CSMD1: variants seen among roughly 807,000 people sequenced by gnomAD.
The protein encoded by CSMD1 is CUB and sushi domain-containing protein 1.
CSMD1 carries 213 observed loss-of-function variants against 417.5 expected under a neutral mutation model. The observed-to-expected ratio is 0.51, with a 90% CI of 0.46 to 0.57. The LOEUF is 0.57. Among genes scored for constraint, CSMD1 ranks in the 20% least tolerant of loss-of-function variants. CSMD1 has a pLI of 0.00. For missense variants in CSMD1, 6,923 were observed against 4,529.7 expected (o/e 1.53, Z -15.17); for synonymous variants, 2,862 against 1,736.8 (o/e 1.65, Z -16.11).
intron 26 of CSMD1, among the ~76,000 whole-genome samples, chr8:3,258,264 C>G (rs539135401): frequency 6.6e-6 from 1 of 152,116 alleles, no homozygotes; most frequent in African/African-American, 2.4e-5. Context: ...CAAAAACAAC[C>G]CCATTAAAAC....
In CSMD1 at chr8:3,875,226, G is replaced by T. The variant is rs560455481; in HGVS notation, c.819-121184C>A. On this transcript the variant is annotated intron_variant, in intron 5 of 69. Coordinates refer to ENST00000635120, the MANE Select transcript of CSMD1 (RefSeq NM_033225.6). ...GAGGCCATTCGGGAGCCACCACAAT[G>T]GTCCTCATGATTTGAATTGAGACCA... Among the ~76,000 whole-genome samples, 8 of 152,216 alleles carry T rather than the reference G, an allele frequency of 5.3e-5. No individual in the cohort carries two copies. The South Asian group carries it at 1.5e-3, about 28-fold the overall frequency.
At chr8:4,042,917 G>C (rs1373789827) in intron 3 of CSMD1, among the ~76,000 whole-genome samples, 1 of 148,668 alleles carries the variant, frequency 6.7e-6, no homozygotes. Context: ...TATGAGTTCA[G>C]GAGTTCAAGA....
chr8:3,209,198 T>A lies in CSMD1; in HGVS notation c.4868-3578A>T, dbSNP rs149517352. On this transcript the variant is annotated intron_variant, in intron 30 of 69. Coordinates refer to ENST00000635120, the MANE Select transcript of CSMD1 (RefSeq NM_033225.6). The stretch of plus-strand genomic sequence containing the variant: ...CTGTCCGTTCTTCCTCAGATCAAAA[T>A]GCTAAGCACCAGAACTACAATGATA... Among the ~76,000 whole-genome samples the A allele has an allele frequency of 3.2e-3, 489 of 152,316 alleles. 5 individuals carry two copies. Among genetic ancestry groups the A allele is most frequent in the African/African-American group, 0.011 (457 of 41,566 alleles).
At position 3,175,519 on chromosome 8, in the gene CSMD1, T is replaced by G. The variant is rs576562600; in HGVS notation, c.5725+5591A>C. On this transcript the variant is annotated intron_variant, in intron 37 of 69. Transcript: ENST00000635120. ...TGCCTGCCTGCCTGCCTTTTTTCCT[T>G]CCTTCCTTCCTTCCTTCTTCCCTCC... is the stretch of plus-strand genomic sequence containing the variant. Among the ~76,000 whole-genome samples the G allele has an allele frequency of 2.8e-3, 330 of 119,344 alleles. 2 individuals are homozygous for G. Among genetic ancestry groups the G allele is most frequent in the Non-Finnish European group, 3.5e-3 (182 of 52,118 alleles). The allele number at this position is 119,344 out of a possible 152,430, so 78.3% of individuals were successfully genotyped here. A position where few individuals can be genotyped will look rare whatever the true frequency, so the allele number is the denominator to read the frequency against.
intron 3 of CSMD1, among the ~76,000 whole-genome samples, chr8:4,045,976 G>A (rs926320937): frequency 3.9e-5 from 6 of 152,018 alleles, no homozygotes; most frequent in Non-Finnish European, 7.4e-5. Context: ...AGATTCCTGT[G>A]AAGTGGATAT....
chr8:3,860,906 C>T (rs1006782203), intron 5 of CSMD1, among the ~76,000 whole-genome samples: 1 of 152,158 alleles, frequency 6.6e-6, no homozygotes, highest in Non-Finnish European at 1.5e-5. Context: ...GAAATCTAGT[C>T]TCTATACTAT....
At chr8:3,303,088 T>C (rs1804542221) in intron 25 of CSMD1, among the ~76,000 whole-genome samples, 1 of 152,226 alleles carries the variant, frequency 6.6e-6, no homozygotes, top group Non-Finnish European at 1.5e-5. Context: ...TTCTTTGTAT[T>C]GTCTATGAAA....
intron 2 of CSMD1, among the ~76,000 whole-genome samples, chr8:4,489,882 C>G (rs1801613907): frequency 6.6e-6 from 1 of 152,170 alleles, no homozygotes; most frequent in African/African-American, 2.4e-5. Flanking sequence ...CTTGCCCAGA[C>G]TACGACCCAC....
Position 3,183,364 on chromosome 8 carries a change from G to T in CSMD1, c.5621-2150C>A, listed in dbSNP as rs62502926. 2.6e-5 allele frequency among the ~76,000 whole-genome samples: 2 copies of T among 76,562 alleles called. 1 individual carries two copies. The highest frequency in any genetic ancestry group is 7.4e-5 in the Non-Finnish European group (2 of 26,856). 50.2% of individuals were successfully genotyped at this position (76,562 alleles called of 152,430 possible). ...GAGTAGGTCTCTAATGTTTCTTAAC[G>T]ATACCATCGGCACCCACCGACGTCA... On this transcript the variant is annotated intron_variant, in intron 36 of 69. Coordinates refer to ENST00000635120, the MANE Select transcript of CSMD1 (RefSeq NM_033225.6).
chr8:4,374,310 TAA>T (rs1415795665), intron 3 of CSMD1, among the ~76,000 whole-genome samples: 1 of 152,194 alleles, frequency 6.6e-6, no homozygotes, highest in Non-Finnish European at 1.5e-5. Context: ...GAGTACAATA[TAA>T]TTACAGTACA....
chr8:4,898,899 T>C (rs7839232), intron 1 of CSMD1, among the ~76,000 whole-genome samples: 36,047 of 152,114 alleles, frequency 0.24, 4,611 homozygotes, highest in East Asian at 0.35. Context: ...ACATTATTTA[T>C]CGTTTAATAA....
chr8:2,972,990 G>T (rs538679632), intron 57 of CSMD1, 127 bp downstream of exon 57: 1 of 896,118 alleles, frequency 1.1e-6, no homozygotes, highest in Non-Finnish European at 1.6e-6. Context: ...CAAATATTGC[G>T]GGGAAAAGAT....
chr8:4,188,337 G>A (rs34515053), intron 3 of CSMD1, among the ~76,000 whole-genome samples: 2 of 151,952 alleles, frequency 1.3e-5, no homozygotes, highest in South Asian at 2.1e-4. Context: ...CCAAATGAAA[G>A]ACAATGCAAA....
intron 57 of CSMD1, among the ~76,000 whole-genome samples, chr8:2,970,298 A>G (rs1233944271): frequency 6.6e-6 from 1 of 152,186 alleles, no homozygotes. Flanking sequence ...TTAAGTTTTC[A>G]AAACTGAAAT....
At chr8:4,858,509 G>C (rs1050594886) in intron 1 of CSMD1, among the ~76,000 whole-genome samples, 3 of 151,890 alleles carry the variant, frequency 2.0e-5, no homozygotes, top group Non-Finnish European at 4.4e-5. Context: ...TGTATATCCA[G>C]AAAACCCCAA....
intron 5 of CSMD1, among the ~76,000 whole-genome samples, chr8:3,855,982 A>C (rs545554728): frequency 7.9e-5 from 12 of 152,276 alleles, no homozygotes; most frequent in African/African-American, 2.9e-4. Context: ...GATATCTGTC[A>C]GTATTAATCA....
intron 1 of CSMD1, among the ~76,000 whole-genome samples, chr8:4,927,521 C>A (rs73189636): frequency 6.6e-6 from 1 of 151,942 alleles, no homozygotes; most frequent in Non-Finnish European, 1.5e-5. Flanking sequence ...CCTTTTTTTC[C>A]GAGAGCAAGT....
chr8:3,506,258 TG>T (rs1300136625), intron 10 of CSMD1, among the ~76,000 whole-genome samples: 1 of 152,178 alleles, frequency 6.6e-6, no homozygotes, highest in Admixed American at 6.5e-5. Flanking sequence ...GCTCTATGTC[TG>T]GCATCATCTG....
chr8:4,961,559 C>T (rs1002759518), intron 1 of CSMD1, among the ~76,000 whole-genome samples: 8 of 152,144 alleles, frequency 5.3e-5, no homozygotes, highest in African/African-American at 1.7e-4. Context: ...ATTTTGAAGA[C>T]GTTAACCATT....
Sources: gnomAD v4.1 joint callset for allele counts (sites outside exome capture counted in the v4.1 genomes callset) on GRCh38, gnomAD v4.1.1 for gene constraint, MANE v1.5 for transcripts, NCBI Gene and HGNC (gene_info 2026-07-23, HGNC 2026-07-21) for gene names.